Variants in DGKI observed in about 807,000 individuals in gnomAD.
DGKI encodes the protein DAG kinase iota.
A neutral mutation model predicts 147.5 loss-of-function variants in DGKI; 55 were observed. That is an observed-to-expected ratio of 0.37 (90% confidence interval 0.30 to 0.47). The LOEUF (loss-of-function observed/expected upper bound fraction) is 0.47. Among genes scored for constraint, DGKI ranks in the 20% least tolerant of loss-of-function variants. The pLI is 1.00. For synonymous variants in DGKI, 469 were observed against 477.1 expected, an observed-to-expected ratio of 0.98 and a Z score of 0.22; for missense variants, 1,007 against 1,323.8, an observed-to-expected ratio of 0.76 and a Z score of 3.71.
At chr7:137,688,489 T>C (rs751270261) in intron 2 of DGKI, among the ~76,000 whole-genome samples, 5 of 152,206 alleles carry the variant, frequency 3.3e-5, no homozygotes, top group Non-Finnish European at 5.9e-5. Flanking sequence ...ACTTACCTAA[T>C]GTCACACAAA....
At chr7:137,826,681 G>A (rs1200676651) in intron 1 of DGKI, among the ~76,000 whole-genome samples, 1 of 151,988 alleles carries the variant, frequency 6.6e-6, no homozygotes, top group Non-Finnish European at 1.5e-5. Flanking sequence ...CTTCATTTTT[G>A]TTTTTTAAAG....
At chr7:137,658,655 G>A (rs755608054) in intron 3 of DGKI, among the ~76,000 whole-genome samples, 36 of 152,234 alleles carry the variant, frequency 2.4e-4, no homozygotes, top group South Asian at 1.5e-3. Flanking sequence ...AGTCTGTTAC[G>A]AAAGTCACTG....
At chr7:137,795,638 T>C (rs1242826735) in intron 1 of DGKI, among the ~76,000 whole-genome samples, 1 of 152,218 alleles carries the variant, frequency 6.6e-6, no homozygotes, top group East Asian at 1.9e-4. Context: ...TGACATATTC[T>C]TGGGAATCTG....
intron 12 of DGKI, among the ~76,000 whole-genome samples, chr7:137,594,835 A>T (rs1256621622): frequency 6.6e-6 from 1 of 152,280 alleles, no homozygotes; most frequent in African/African-American, 2.4e-5. Context: ...TTCACAAAAC[A>T]TCTTATCCTA....
At chr7:137,440,787 C>T (rs553216786) in intron 28 of DGKI, among the ~76,000 whole-genome samples, 25 of 152,200 alleles carry the variant, frequency 1.6e-4, no homozygotes, top group African/African-American at 5.8e-4. Flanking sequence ...TCTTAGTGAC[C>T]CTGATGCGCT....
intron 19 of DGKI, among the ~76,000 whole-genome samples, chr7:137,565,750 G>C (rs1014428639): frequency 6.6e-6 from 1 of 152,092 alleles, no homozygotes; most frequent in African/African-American, 2.4e-5. Context: ...AATAATGGCA[G>C]AAAATTGTGG....
chr7:137,487,210 T>C (rs1465616277), intron 22 of DGKI, among the ~76,000 whole-genome samples: 1 of 152,200 alleles, frequency 6.6e-6, no homozygotes, highest in East Asian at 1.9e-4. Flanking sequence ...GTTTTATTTA[T>C]TTTTTTGTTT....
chr7:137,629,336 T>C (rs1453698632), intron 6 of DGKI, among the ~76,000 whole-genome samples: 1 of 152,210 alleles, frequency 6.6e-6, no homozygotes, highest in Admixed American at 6.5e-5. Flanking sequence ...AATTTTAAAA[T>C]CAAACTGTTG....
In DGKI at chr7:137,465,830, C is replaced by T. The variant is rs59917775; in HGVS notation, c.2612+78G>A. ...TCAAAATCATTTGATGTCATTAGAA[C>T]GATGTCAAGTTCAAAGGCGAACCAG... On this transcript the variant is annotated intron_variant, in intron 26 of 32. Transcript: ENST00000614521. The T allele has an allele frequency of 0.016, 24,948 of 1,523,686 alleles. 3,479 individuals are homozygous for T. In the African/African-American group the frequency reaches 0.31, roughly 19 times the overall value. 94.4% of individuals were successfully genotyped at this position (1,523,686 alleles called of 1,614,324 possible).
At chr7:137,779,741 T>C (rs1796462842) in intron 1 of DGKI, among the ~76,000 whole-genome samples, 2 of 152,218 alleles carry the variant, frequency 1.3e-5, no homozygotes, top group South Asian at 4.1e-4. Flanking sequence ...AAGTTTTACT[T>C]AAAATAAAGT....
rs1053148337 is a variant in DGKI at position 137,714,070 on chromosome 7, G to A, written c.402-24068C>T. On this transcript the variant is annotated intron_variant, in intron 1 of 32. Coordinates refer to ENST00000614521, the MANE Select transcript of DGKI (RefSeq NM_001321708.2). ...ATTTATAGGATCTCTTACTATCTGT[G>A]GTATAATTTATTTGAATGTAGAAAA... Among the ~76,000 whole-genome samples, 18 of 151,988 alleles carry A rather than the reference G, an allele frequency of 1.2e-4. 1 individual carries two copies. Among genetic ancestry groups the A allele is most frequent in the Admixed American group, 9.2e-4 (14 of 15,286 alleles).
intron 1 of DGKI, among the ~76,000 whole-genome samples, chr7:137,742,314 G>C (rs1213403843): frequency 4.6e-5 from 7 of 151,378 alleles, no homozygotes; most frequent in Non-Finnish European, 1.0e-4. Flanking sequence ...CATCCAAAAG[G>C]ATAAAAAAAA....
chr7:137,523,137 TAAGA>T (rs779268784), intron 20 of DGKI, among the ~76,000 whole-genome samples: 1 of 151,754 alleles, frequency 6.6e-6, no homozygotes, highest in African/African-American at 2.4e-5. Context: ...ACAGGAAAGA[TAAGA>T]AAGAATACAT....
chr7:137,805,926 G>A (rs944810555), intron 1 of DGKI, among the ~76,000 whole-genome samples: 2 of 152,280 alleles, frequency 1.3e-5, no homozygotes, highest in Non-Finnish European at 2.9e-5. Context: ...ATGAGTTGGA[G>A]TGGTCTGAAC....
At position 137,381,884 on chromosome 7, in the gene DGKI, C is replaced by T. The variant is rs1415025979; in HGVS notation, c.*9336G>A. On this transcript the variant is annotated 3_prime_UTR_variant, in exon 33 of 33. Coordinates refer to ENST00000614521, the MANE Select transcript of DGKI (RefSeq NM_001321708.2). ...ATGGCAAGAATCCAAACTTTCCCAA[C>T]TTATAATCGGTAAGTCAGGGAGAGC... 1 of 152,078 alleles carries T rather than the reference C, an allele frequency of 6.6e-6. No homozygotes were observed. The highest frequency in any genetic ancestry group is 1.5e-5 in the Non-Finnish European group (1 of 67,992). The allele number at this position is 152,078 out of a possible 1,614,324, so 9.4% of individuals were successfully genotyped here.
Position 137,381,163 on chromosome 7 carries a change from T to C in DGKI, c.*10057A>G, listed in dbSNP as rs1306664780. The stretch of plus-strand genomic sequence containing the variant: ...AGTTCAGTCTCCCAAATTAACTCCA[T>C]TGAAAATCTCTGTAGTGCAACACAG... On this transcript the variant is annotated 3_prime_UTR_variant, in exon 33 of 33. Transcript: ENST00000614521. The C allele has an allele frequency of 2.0e-5, 3 of 152,066 alleles. No homozygotes were observed. Among genetic ancestry groups the C allele is most frequent in the Non-Finnish European group, 2.9e-5 (2 of 67,980 alleles). 9.4% of individuals were successfully genotyped at this position (152,066 alleles called of 1,614,324 possible). A position where few individuals can be genotyped will look rare whatever the true frequency, so the allele number is the denominator to read the frequency against.
At chr7:137,568,974 C>T (rs1376218851) in intron 19 of DGKI, among the ~76,000 whole-genome samples, 1 of 150,816 alleles carries the variant, frequency 6.6e-6, no homozygotes, top group African/African-American at 2.4e-5. Context: ...GAACAAGACA[C>T]AGATATAGTC....
At chr7:137,661,619 C>A (rs1822437065) in intron 3 of DGKI, among the ~76,000 whole-genome samples, 1 of 152,092 alleles carries the variant, frequency 6.6e-6, no homozygotes, top group South Asian at 2.1e-4. Context: ...TGGGAAGATT[C>A]ACCCCGAGGA....
intron 30 of DGKI, among the ~76,000 whole-genome samples, chr7:137,406,154 A>G (rs1340863246): frequency 6.7e-6 from 1 of 149,514 alleles, no homozygotes; most frequent in Non-Finnish European, 1.5e-5. Context: ...AAGAGAGTAG[A>G]TTGGAAGTGA....
Sources: allele counts gnomAD v4.1 joint callset (sites outside exome capture counted in the v4.1 genomes callset), GRCh38; gene constraint gnomAD v4.1.1; transcripts MANE v1.5; gene names NCBI Gene and HGNC (gene_info 2026-07-23, HGNC 2026-07-21).